DMD: variants seen among roughly 807,000 people sequenced by gnomAD.
DMD encodes the protein mutant dystrophin.
Under a neutral mutation model 330.1 loss-of-function variants are expected in DMD, and 63 were observed. The observed-to-expected ratio is 0.19, with a 90% CI of 0.16 to 0.24. The LOEUF is 0.24. DMD is among the 10% of genes least tolerant of loss of function. The pLI is 1.00. For synonymous variants in DMD, 1,223 were observed against 959.8 expected (o/e 1.27, Z -5.07); for missense variants, 3,344 against 2,684.1 (o/e 1.25, Z -5.43).
At chrX:32,369,827 T>A (rs998304986) in intron 34 of DMD, among the ~76,000 whole-genome samples, 5 of 111,340 alleles carry the variant, frequency 4.5e-5, no homozygotes, top group African/African-American at 1.6e-4. Context: ...CAGCACCACA[T>A]TTATTTACCT....
intron 9 of DMD, among the ~76,000 whole-genome samples, chrX:32,674,594 C>T (rs1047072727): frequency 1.8e-5 from 2 of 111,225 alleles, no homozygotes; most frequent in Non-Finnish European, 3.8e-5. Context: ...AAGTGGGATA[C>T]TGCTATGTAC....
intron 18 of DMD, among the ~76,000 whole-genome samples, chrX:32,505,643 C>A: frequency 8.9e-6 from 1 of 112,081 alleles, no homozygotes; most frequent in Non-Finnish European, 1.9e-5. Context: ...TATGATCCAG[C>A]AATCATGCAC....
rs188869953 is a variant in DMD, at chrX:32,581,422, A to T, written c.1603-7576T>A. Among the ~76,000 whole-genome samples, 316 of 112,042 alleles carry T rather than the reference A, an allele frequency of 2.8e-3. 7 individuals are homozygous for T. The highest frequency in any genetic ancestry group is 0.024 in the Admixed American group (256 of 10,582). On this transcript the variant is annotated intron_variant, in intron 13 of 78. Coordinates refer to ENST00000357033, the MANE Select transcript of DMD (RefSeq NM_004006.3). ...TTTGCTTTCTCTAGAGAGGTTAGAA[A>T]TTCTTAGTTCATGTCACATTTTTTT...
intron 60 of DMD, among the ~76,000 whole-genome samples, chrX:31,382,513 TTAAAG>T (rs1023507220): frequency 1.4e-4 from 16 of 112,033 alleles, no homozygotes; most frequent in African/African-American, 4.5e-4. Context: ...CTCTTAACTC[TTAAAG>T]TAAATAATCT....
intron 55 of DMD, among the ~76,000 whole-genome samples, chrX:31,595,724 A>G (rs766399097): frequency 6.8e-4 from 48 of 70,612 alleles, no homozygotes; most frequent in Non-Finnish European, 9.3e-4. Flanking sequence ...TTTCACTTTC[A>G]AAGGACCTAT....
At chrX:32,644,446 G>A in intron 10 of DMD, 133 bp from the exon 11 acceptor site, 2 of 718,120 alleles carry the variant, frequency 2.8e-6, no homozygotes, top group Non-Finnish European at 4.1e-6. Flanking sequence ...AATTTAATTT[G>A]TATTTGCAGA....
chrX:32,611,583 A>G (rs1440284179), intron 12 of DMD, among the ~76,000 whole-genome samples: 1 of 112,046 alleles, frequency 8.9e-6, no homozygotes, highest in Non-Finnish European at 1.9e-5. Flanking sequence ...CTGGCAGAAT[A>G]TTAAGATCCT....
intron 45 of DMD, among the ~76,000 whole-genome samples, chrX:31,944,834 A>G (rs1348120807): frequency 4.5e-5 from 5 of 111,194 alleles, no homozygotes; most frequent in Non-Finnish European, 7.5e-5. Context: ...TAGAAAAATA[A>G]TATGTCCTTG....
chrX:32,946,473 A>G (rs1482179112), intron 2 of DMD, among the ~76,000 whole-genome samples: 2 of 111,807 alleles, frequency 1.8e-5, no homozygotes, highest in Non-Finnish European at 3.8e-5. Flanking sequence ...GTTTTTCTGT[A>G]TATCTGTCTA....
intron 54 of DMD, among the ~76,000 whole-genome samples, chrX:31,630,633 T>C (rs1018527115): frequency 5.4e-5 from 6 of 110,836 alleles, no homozygotes; most frequent in Non-Finnish European, 9.4e-5. Context: ...CGGAACCATA[T>C]GGGTTTAAGT....
chrX:31,337,073 G>A (rs1271959987), intron 61 of DMD, among the ~76,000 whole-genome samples: 1 of 109,178 alleles, frequency 9.2e-6, no homozygotes, highest in Non-Finnish European at 1.9e-5. Context: ...ACAGGTGTGC[G>A]CCACCATGCC....
At chrX:32,346,200 G>C in intron 38 of DMD, 120 bp from the exon 39 acceptor site, 1 of 791,179 alleles carries the variant, frequency 1.3e-6, no homozygotes, top group South Asian at 2.3e-5. Context: ...AACTTTCATG[G>C]AATGCTATTA....
At chrX:33,298,260 A>G (rs1465537163) in intron 1 of DMD, among the ~76,000 whole-genome samples, 1 of 111,438 alleles carries the variant, frequency 9.0e-6, no homozygotes, top group Non-Finnish European at 1.9e-5. Flanking sequence ...TTTCATCCAG[A>G]AACACAGAGA....
At chrX:31,236,870 A>C (rs1197992256) in intron 63 of DMD, among the ~76,000 whole-genome samples, 1 of 111,807 alleles carries the variant, frequency 8.9e-6, no homozygotes, top group Non-Finnish European at 1.9e-5. Flanking sequence ...AACTTCAACT[A>C]ATCATATGTT....
At chrX:31,243,134 C>T (rs998130648) in intron 63 of DMD, among the ~76,000 whole-genome samples, 5 of 111,829 alleles carry the variant, frequency 4.5e-5, no homozygotes, top group Non-Finnish European at 7.5e-5. Flanking sequence ...AAATCAATGC[C>T]TCACAGAAAA....
intron 7 of DMD, among the ~76,000 whole-genome samples, chrX:32,776,496 G>A (rs771520017): frequency 1.8e-5 from 2 of 111,561 alleles, no homozygotes; most frequent in Non-Finnish European, 3.8e-5. Flanking sequence ...GAGGCCCCCA[G>A]GAAACTTACA....
intron 54 of DMD, among the ~76,000 whole-genome samples, chrX:31,642,747 A>G (rs1457105585): frequency 1.8e-5 from 2 of 111,744 alleles, no homozygotes; most frequent in African/African-American, 6.5e-5. Flanking sequence ...AAAGAAATAA[A>G]GTTGACCACA....
At chrX:32,101,224 T>C (rs931149579) in intron 44 of DMD, among the ~76,000 whole-genome samples, 3 of 111,902 alleles carry the variant, frequency 2.7e-5, no homozygotes, top group East Asian at 5.6e-4. Flanking sequence ...AGTTTTAATA[T>C]GGAGAAGCAG....
At chrX:31,314,584 TAA>T (rs1021295461) in intron 62 of DMD, among the ~76,000 whole-genome samples, 9 of 111,533 alleles carry the variant, frequency 8.1e-5, no homozygotes, top group Non-Finnish European at 1.7e-4. Flanking sequence ...GACAGTGAGC[TAA>T]GTCTCATCTA....
Sources: allele counts gnomAD v4.1 joint callset (sites outside exome capture counted in the v4.1 genomes callset), GRCh38; gene constraint gnomAD v4.1.1; transcripts MANE v1.5; gene names NCBI Gene and HGNC (gene_info 2026-07-23, HGNC 2026-07-21).